The following REDIC1 variants were observed in gnomAD, a reference collection of about 807,000 sequenced individuals.
The protein encoded by REDIC1 is HEI10 Interacting Protein 1.
the REDIC1 span, among the ~76,000 whole-genome samples, chr12:39,790,379 C>G: frequency 0.02 from 2,351 of 118,862 alleles, 37 homozygotes; most frequent in Middle Eastern, 0.033. Flanking sequence ...CCTCCCCCCA[C>G]CCCACCACAG....
the REDIC1 span, among the ~76,000 whole-genome samples, chr12:39,775,886 T>G: frequency 6.6e-6 from 1 of 152,222 alleles, no homozygotes; most frequent in African/African-American, 2.4e-5. Flanking sequence ...TGCTTACTGG[T>G]TGAGCACCCC....
At chr12:39,667,626 A>T in the REDIC1 span, among the ~76,000 whole-genome samples, 27 of 152,164 alleles carry the variant, frequency 1.8e-4, no homozygotes, top group African/African-American at 6.3e-4. Context: ...TATCTTGTTA[A>T]CTTTCTGTCT....
At chr12:39,764,405 TA>T in the REDIC1 span, 4 of 1,416,452 alleles carry the variant, frequency 2.8e-6, no homozygotes, top group Admixed American at 9.7e-5. Context: ...ATAGTGTATC[TA>T]AAAATAGTGA....
At chr12:39,651,880 C>A in the REDIC1 span, among the ~76,000 whole-genome samples, 1 of 151,970 alleles carries the variant, frequency 6.6e-6, no homozygotes, top group Non-Finnish European at 1.5e-5. Flanking sequence ...CTTGGTAATC[C>A]CTTCTCCCTA....
At chr12:39,824,931 G>T in the REDIC1 span, among the ~76,000 whole-genome samples, 1 of 152,098 alleles carries the variant, frequency 6.6e-6, no homozygotes, top group Non-Finnish European at 1.5e-5. Flanking sequence ...ATAGAGACAG[G>T]AAATTATAAT....
At chr12:39,635,676 G>A in the REDIC1 span, among the ~76,000 whole-genome samples, 1 of 151,998 alleles carries the variant, frequency 6.6e-6, no homozygotes, top group Non-Finnish European at 1.5e-5. Flanking sequence ...ATAGCATTAG[G>A]AGAAATACCT....
the REDIC1 span, among the ~76,000 whole-genome samples, chr12:39,870,276 A>C: frequency 6.6e-6 from 1 of 152,294 alleles, no homozygotes; most frequent in African/African-American, 2.4e-5. Flanking sequence ...AAATATTTAA[A>C]AGCAGCTATT....
At chr12:39,703,988 G>A in the REDIC1 span, among the ~76,000 whole-genome samples, 5 of 152,132 alleles carry the variant, frequency 3.3e-5, no homozygotes, top group African/African-American at 1.2e-4. Context: ...AGAAAGCCTA[G>A]GCATTACCAT....
chr12:39,875,334 A>C, the REDIC1 span, among the ~76,000 whole-genome samples: 1 of 152,200 alleles, frequency 6.6e-6, no homozygotes, highest in African/African-American at 2.4e-5. Context: ...TGATTTGTCA[A>C]GTCCCTCTCA....
chr12:39,887,634 C>G, the REDIC1 span, among the ~76,000 whole-genome samples: 1 of 152,330 alleles, frequency 6.6e-6, no homozygotes, highest in Admixed American at 6.5e-5. Flanking sequence ...CTTCTTACAG[C>G]TTCTTCTATT....
the REDIC1 span, among the ~76,000 whole-genome samples, chr12:39,659,904 T>C: frequency 3.3e-5 from 5 of 152,188 alleles, no homozygotes; most frequent in Non-Finnish European, 7.4e-5. Context: ...TTGGAAACAC[T>C]ATGGTACTTG....
At chr12:39,693,386 C>G in the REDIC1 span, among the ~76,000 whole-genome samples, 4 of 151,358 alleles carry the variant, frequency 2.6e-5, no homozygotes, top group Admixed American at 2.6e-4. Flanking sequence ...TCCTTATCCT[C>G]CCTGCCCTAT....
the REDIC1 span, among the ~76,000 whole-genome samples, chr12:39,677,981 C>G: frequency 6.6e-6 from 1 of 152,010 alleles, no homozygotes; most frequent in Non-Finnish European, 1.5e-5. Flanking sequence ...ATGCCTACAT[C>G]AAAAAGTCTG....
chr12:39,894,022 A>C, the REDIC1 span, among the ~76,000 whole-genome samples: 1 of 152,230 alleles, frequency 6.6e-6, no homozygotes, highest in Non-Finnish European at 1.5e-5. Flanking sequence ...TATACCTTTA[A>C]ATGTGTAGTA....
At chr12:39,829,393 T>TTTTTG in the REDIC1 span, 1 of 41,256 alleles carries the variant, frequency 2.4e-5, no homozygotes, top group Non-Finnish European at 5.9e-5. Flanking sequence ...ATAGTAATTC[T>TTTTTG]TTTTTTTTTT....
chr12:39,832,289 T>C, the REDIC1 span, among the ~76,000 whole-genome samples: 1 of 152,152 alleles, frequency 6.6e-6, no homozygotes, highest in African/African-American at 2.4e-5. Context: ...TCTGCCCATA[T>C]GAAGTTAAAT....
chr12:39,749,438 A>G, the REDIC1 span, among the ~76,000 whole-genome samples: 2 of 152,222 alleles, frequency 1.3e-5, no homozygotes, highest in Non-Finnish European at 2.9e-5. Flanking sequence ...ATAGCCTACC[A>G]ACCAAAAAAA....
the REDIC1 span, chr12:39,721,150 T>C: frequency 3.1e-5 from 50 of 1,613,692 alleles, no homozygotes; most frequent in South Asian, 4.9e-4. Context: ...AATTTCAAAA[T>C]GTACATGTAG....
chr12:39,822,911 T>C, the REDIC1 span, among the ~76,000 whole-genome samples: 1 of 152,230 alleles, frequency 6.6e-6, no homozygotes, highest in Non-Finnish European at 1.5e-5. Context: ...GATAAATTAA[T>C]ATGGACGAGG....
Sources: gnomAD v4.1 joint callset for allele counts (sites outside exome capture counted in the v4.1 genomes callset) on GRCh38, gnomAD v4.1.1 for gene constraint, MANE v1.5 for transcripts, NCBI Gene and HGNC (gene_info 2026-07-23, HGNC 2026-07-21) for gene names.